Variants in PSMD5 observed in about 807,000 individuals in gnomAD.
PSMD5 encodes the protein 26S proteasome non-ATPase regulatory subunit 5.
In PSMD5, 40 loss-of-function variants were observed where a neutral mutation model predicts 52.1. The ratio of observed to expected loss-of-function variants is 0.77; its 90% CI spans 0.60 to 1.00. The LOEUF (loss-of-function observed/expected upper bound fraction) is 1.00. Ranked by LOEUF, PSMD5 falls within the 50% of genes least tolerant of loss-of-function variation. The pLI, the probability that PSMD5 is intolerant of heterozygous loss-of-function variation, is 0.00. For synonymous variants in PSMD5, 211 were observed against 226.6 expected (o/e 0.93, Z 0.62); for missense variants, 575 against 605.2 (o/e 0.95, Z 0.52).
chr9:120,831,591 C>T (rs772721174), intron 3 of PSMD5, 132 bp from the exon 4 acceptor site: 89 of 1,206,826 alleles, frequency 7.4e-5, no homozygotes, highest in East Asian at 2.2e-4. Flanking sequence ...TTGGAAAAGA[C>T]GCAAGGTATC....
At chr9:120,824,770 G>C (rs2045111395) in intron 6 of PSMD5, 85 bp from the exon 7 acceptor site, 4 of 1,142,380 alleles carry the variant, frequency 3.5e-6, no homozygotes, top group Non-Finnish European at 5.0e-6. Context: ...GAACAGAAAT[G>C]AACTGCAGGC....
intron 1 of PSMD5, among the ~76,000 whole-genome samples, chr9:120,834,678 T>C (rs1324073971): frequency 6.6e-6 from 1 of 152,232 alleles, no homozygotes; most frequent in Admixed American, 6.5e-5. Flanking sequence ...CTAACAGGTA[T>C]TTTATGTCAT....
chr9:120,821,230 G>A (rs766545388), intron 8 of PSMD5, 125 bp downstream of exon 8: 24 of 743,812 alleles, frequency 3.2e-5, no homozygotes, highest in Non-Finnish European at 4.9e-5. Context: ...AATTAAAAAT[G>A]TCACTAGTCA....
At position 120,842,378 on chromosome 9, in the gene PSMD5, T is replaced by G; in HGVS notation, c.173+359A>C. The G allele has an allele frequency of 2.4e-5, 6 of 251,348 alleles. No individual in the cohort carries two copies. In the East Asian group the frequency reaches 2.6e-4, roughly 11 times the overall value. The allele number at this position is 251,348 out of a possible 1,614,324, so 15.6% of individuals were successfully genotyped here. ...GATGGTTCTTGCCACATTGCCAGGA[T>G]AGGATCCTTTTAGAAGGGGAAACAA... is the stretch of plus-strand genomic sequence containing the variant. On this transcript the variant is annotated intron_variant, in intron 1 of 9. Transcript: ENST00000210313.
intron 1 of PSMD5, among the ~76,000 whole-genome samples, chr9:120,839,048 A>G (rs2045216422): frequency 6.6e-6 from 1 of 152,266 alleles, no homozygotes; most frequent in South Asian, 2.1e-4. Context: ...GGAATAATTG[A>G]GAAAAATATT....
chr9:120,829,475 C>T (rs1435833277), intron 4 of PSMD5, among the ~76,000 whole-genome samples: 1 of 152,162 alleles, frequency 6.6e-6, no homozygotes, highest in African/African-American at 2.4e-5. Context: ...CTCACTGCAA[C>T]CTCTGCCTCT....
At chr9:120,827,989 C>T (rs903426963) in intron 5 of PSMD5, among the ~76,000 whole-genome samples, 2 of 152,126 alleles carry the variant, frequency 1.3e-5, no homozygotes, top group African/African-American at 4.8e-5. Flanking sequence ...TAGCTTAATT[C>T]TTACAATATC....
chr9:120,823,004 G>T (rs868107013), intron 7 of PSMD5, among the ~76,000 whole-genome samples: 117 of 149,184 alleles, frequency 7.8e-4, no homozygotes, highest in Admixed American at 2.0e-3. Flanking sequence ...AATTTTTTTT[G>T]TTGTTGTTGT....
chr9:120,839,061 G>A (rs2045216472), intron 1 of PSMD5, among the ~76,000 whole-genome samples: 2 of 152,198 alleles, frequency 1.3e-5, no homozygotes, highest in South Asian at 4.1e-4. Context: ...AAAATATTTT[G>A]GAGGAGATGG....
rs1588064259 is a variant in PSMD5, at chr9:120,816,662, A to C, written c.*1244T>G. The stretch of plus-strand genomic sequence containing the variant: ...ACCACGGCCTAAAAGAAATATGCTC[A>C]TGCATAAACCTCTGAACAGGTGATT... On this transcript the variant is annotated 3_prime_UTR_variant, in exon 10 of 10. Transcript: ENST00000210313. 1 of 152,256 alleles carries C rather than the reference A, an allele frequency of 6.6e-6. No individual in the cohort carries two copies. Among genetic ancestry groups the C allele is most frequent in the East Asian group, 1.9e-4 (1 of 5,206 alleles). The allele number at this position is 152,256 out of a possible 1,614,324, so 9.4% of individuals were successfully genotyped here. A position where few individuals can be genotyped will look rare whatever the true frequency, so the allele number is the denominator to read the frequency against.
At position 120,824,507 on chromosome 9, in the gene PSMD5, A is replaced by C; in HGVS notation, c.993T>G (p.Val331=). The C allele has an allele frequency of 6.2e-7, 1 of 1,614,098 alleles. No homozygotes were observed. Among genetic ancestry groups the C allele is most frequent in the Non-Finnish European group, 8.5e-7 (1 of 1,180,002 alleles). Residue 331 remains valine (V), a synonymous_variant, in exon 7 of 10, where the codon GTT becomes GTG. Coordinates refer to ENST00000210313, the MANE Select transcript of PSMD5 (RefSeq NM_005047.4). ...AGTCATACCAACCTGTTTTCTGTAAAACCTGTTTTCCTTCAACATTGGATC... is the reference window on the plus strand; with the variant it reads ...AGTCATACCAACCTGTTTTCTGTAACACCTGTTTTCCTTCAACATTGGATC... The part of the protein sequence containing the change: ...ILGSNVEGKQ[V]LQKTGTRFER...
intron 1 of PSMD5, among the ~76,000 whole-genome samples, chr9:120,833,672 CTT>C (rs71385094): frequency 0.054 from 4,566 of 85,280 alleles, 15 homozygotes; most frequent in Middle Eastern, 0.09. Context: ...CTCTAGTCTT[CTT>C]TTTTTTTTTT....
chr9:120,820,983 C>A lies in PSMD5; in HGVS notation c.1117-4G>T. The A allele has an allele frequency of 6.4e-7, 1 of 1,574,364 alleles. No homozygotes were observed. The highest frequency in any genetic ancestry group is 8.6e-7 in the Non-Finnish European group (1 of 1,168,990). On this transcript the variant is annotated splice_polypyrimidine_tract_variant and splice_region_variant and intron_variant, in intron 8 of 9. Transcript: ENST00000210313. Reference sequence around the variant, plus strand: ...GGTCATCAGTCTGCTGCTCAGGCTACAGGAAAGAAAAGGAAAATCTCATCA... The same window carrying A: ...GGTCATCAGTCTGCTGCTCAGGCTAAAGGAAAGAAAAGGAAAATCTCATCA...
At chr9:120,821,970 A>C (rs2045088684) in intron 7 of PSMD5, among the ~76,000 whole-genome samples, 1 of 152,222 alleles carries the variant, frequency 6.6e-6, no homozygotes, top group African/African-American at 2.4e-5. Flanking sequence ...TAACGCTGCT[A>C]TGAACATGAC....
At chr9:120,833,025 C>A (rs1232458192) in intron 2 of PSMD5, among the ~76,000 whole-genome samples, 1 of 152,220 alleles carries the variant, frequency 6.6e-6, no homozygotes, top group African/African-American at 2.4e-5. Flanking sequence ...CAGCATATGG[C>A]ACCATGCCTG....
At position 120,833,434 on chromosome 9, in the gene PSMD5, A is replaced by G. The variant is rs181930509; in HGVS notation, c.196T>C (p.Ser66Pro). 1.1e-5 allele frequency: 17 copies of G among 1,613,792 alleles called. No individual in the cohort carries two copies. The Admixed American group carries it at 2.7e-4, about 25-fold the overall frequency. The change falls in exon 2 of 10, where the codon TCC becomes CCC. Residue 66 changes from serine (S) to proline (P), a missense_variant. Ser to Pro is a moderately conservative substitution (Grantham distance 74). Transcript: ENST00000210313. ...GCTTGGAGCAATCTCTCCAGAATGG[A>G]TACACACAAAGTAGTCTTTTCCCTG... ...NHREKTTLCVSILERLLQAME... is the reference protein window; with the variant it reads ...NHREKTTLCVPILERLLQAME...
In PSMD5 at chr9:120,817,850, T is replaced by C; in HGVS notation, c.*56A>G. 6.6e-7 allele frequency: 1 copy of C among 1,522,226 alleles called. No individual in the cohort carries two copies. Among genetic ancestry groups the C allele is most frequent in the Non-Finnish European group, 8.9e-7 (1 of 1,125,334 alleles). The allele number at this position is 1,522,226 out of a possible 1,614,324, so 94.3% of individuals were successfully genotyped here. A position where few individuals can be genotyped will look rare whatever the true frequency, so the allele number is the denominator to read the frequency against. ...TTTGTGAAATATAGATGGAGTCAAA[T>C]GCCTTAGGAGAAGTTTTGGTCAAAA... On this transcript the variant is annotated 3_prime_UTR_variant, in exon 10 of 10. Transcript: ENST00000210313.
Position 120,842,720 on chromosome 9 carries a change from C to A in PSMD5, c.173+17G>T. The A allele has an allele frequency of 6.2e-7, 1 of 1,612,884 alleles. No individual in the cohort carries two copies. Among genetic ancestry groups the A allele is most frequent in the Non-Finnish European group, 8.5e-7 (1 of 1,179,932 alleles). ...GGGTGCCCCTCTCCTCGGCTCAAGC[C>A]CCCGGGGTCCTCTCACCTATGGTTC... is the stretch of plus-strand genomic sequence containing the variant. On this transcript the variant is annotated intron_variant, in intron 1 of 9. Transcript: ENST00000210313.
chr9:120,833,972 G>A (rs1315810055), intron 1 of PSMD5, among the ~76,000 whole-genome samples: 13 of 137,622 alleles, frequency 9.4e-5, no homozygotes, highest in African/African-American at 3.0e-4. Flanking sequence ...CACCGCACCT[G>A]GCCTTTTTTT....
Sources: gnomAD v4.1 joint callset for allele counts (sites outside exome capture counted in the v4.1 genomes callset) on GRCh38, gnomAD v4.1.1 for gene constraint, MANE v1.5 for transcripts, NCBI Gene and HGNC (gene_info 2026-07-23, HGNC 2026-07-21) for gene names.